The following STXBP5L variants were observed in gnomAD, a reference collection of about 807,000 sequenced individuals.
STXBP5L encodes syntaxin-binding protein 5-like.
A neutral mutation model predicts 144.5 loss-of-function variants in STXBP5L; 65 were observed. The observed-to-expected ratio is 0.45, with a 90% confidence interval of 0.37 to 0.55. The LOEUF is 0.55. Ranked by LOEUF, STXBP5L falls within the 20% of genes least tolerant of loss-of-function variation. The probability of loss-of-function intolerance (pLI) is 0.00; values close to 1 mark genes in which losing one functional copy is unlikely to be tolerated. For synonymous variants in STXBP5L, 505 were observed against 469.6 expected (o/e 1.08, Z -0.97); for missense variants, 1,298 against 1,405.5 (o/e 0.92, Z 1.22).
intron 19 of STXBP5L, among the ~76,000 whole-genome samples, chr3:121,312,547 G>C (rs2043577221): frequency 7.1e-6 from 1 of 140,890 alleles, no homozygotes; most frequent in South Asian, 2.3e-4. Flanking sequence ...GTGGAGGGAA[G>C]GTCAGCAGAT....
At chr3:121,142,722 C>T (rs1347777472) in intron 7 of STXBP5L, among the ~76,000 whole-genome samples, 1 of 151,690 alleles carries the variant, frequency 6.6e-6, no homozygotes, top group Non-Finnish European at 1.5e-5. Context: ...ACACACTCTA[C>T]CAAAAATTAT....
rs773204715 is a variant in STXBP5L, at chr3:120,909,710, G to A, written c.132G>A (p.Gly44=). ...SGSVHPAGTA[G]VLREEIQETL... is the part of the protein sequence containing the mutation. Reference sequence around the variant, plus strand: ...CCGTACATCCGGCGGGGACTGCAGGGGTTCTCAGAGAGGAAATTCAGGAAA... The same window carrying A: ...CCGTACATCCGGCGGGGACTGCAGGAGTTCTCAGAGAGGAAATTCAGGAAA... The change falls in exon 2 of 27, where the codon GGG becomes GGA. Residue 44 remains glycine (G), a synonymous_variant. Transcript: ENST00000471454. 6.2e-7 allele frequency: 1 copy of A among 1,611,242 alleles called. No individual in the cohort carries two copies. The highest frequency in any genetic ancestry group is 1.3e-5 in the African/African-American group (1 of 74,608).
Position 121,159,627 on chromosome 3 carries a change from C to CTTTTT in STXBP5L, c.877+2016_877+2020dup, listed in dbSNP as rs1161847567. Among the ~76,000 whole-genome samples the CTTTTT allele has an allele frequency of 1.9e-4, 23 of 121,938 alleles. 1 individual carries two copies. Among genetic ancestry groups the CTTTTT allele is most frequent in the East Asian group, 7.1e-4 (3 of 4,226 alleles). The allele number at this position is 121,938 out of a possible 152,430, so 80.0% of individuals were successfully genotyped here. On this transcript the variant is annotated intron_variant, in intron 9 of 26. Coordinates refer to ENST00000471454, the MANE Select transcript of STXBP5L (RefSeq NM_001308330.2). ...TGTGCTTGGGAAGAATGTACATTTT[C>CTTTTT]TTTTTTTTTTTTTTTTTTTTGAGAC...
intron 20 of STXBP5L, among the ~76,000 whole-genome samples, chr3:121,336,181 T>A (rs2044498598): frequency 6.6e-6 from 1 of 152,132 alleles, no homozygotes; most frequent in Non-Finnish European, 1.5e-5. Context: ...TATCAGTGGT[T>A]ATTAGAGAAA....
intron 7 of STXBP5L, among the ~76,000 whole-genome samples, chr3:121,138,864 A>G (rs1484733564): frequency 2.0e-5 from 3 of 151,982 alleles, no homozygotes; most frequent in Admixed American, 1.3e-4. Context: ...TTGAATAAGA[A>G]CTCAAGAGCA....
intron 9 of STXBP5L, among the ~76,000 whole-genome samples, chr3:121,174,768 G>A (rs1016165794): frequency 6.6e-6 from 1 of 152,112 alleles, no homozygotes; most frequent in African/African-American, 2.4e-5. Flanking sequence ...GGGAAAATCA[G>A]AGTCAATCCA....
At chr3:121,084,369 C>T (rs1362283151) in intron 5 of STXBP5L, among the ~76,000 whole-genome samples, 1 of 152,130 alleles carries the variant, frequency 6.6e-6, no homozygotes, top group African/African-American at 2.4e-5. Flanking sequence ...CCCCGCCTAC[C>T]CTCAACAGGC....
intron 10 of STXBP5L, among the ~76,000 whole-genome samples, chr3:121,222,456 A>G (rs980526391): frequency 2.8e-4 from 42 of 152,138 alleles, no homozygotes; most frequent in African/African-American, 9.7e-4. Flanking sequence ...TCTCTTACAT[A>G]TTAGCTTTCT....
At chr3:121,036,195 C>T (rs572563850) in intron 3 of STXBP5L, among the ~76,000 whole-genome samples, 73 of 151,960 alleles carry the variant, frequency 4.8e-4, no homozygotes, top group African/African-American at 1.7e-3. Flanking sequence ...TAGCTGGGCA[C>T]GGTTGTGGGC....
At chr3:121,415,666 G>T (rs1441087209) in intron 24 of STXBP5L, among the ~76,000 whole-genome samples, 191 bp from the exon 25 acceptor site, 1 of 152,164 alleles carries the variant, frequency 6.6e-6, no homozygotes, top group East Asian at 1.9e-4. Flanking sequence ...TAGAATGTTT[G>T]TTACTATAGA....
chr3:121,206,312 A>T (rs748640291), intron 10 of STXBP5L, among the ~76,000 whole-genome samples: 3 of 152,148 alleles, frequency 2.0e-5, no homozygotes, highest in East Asian at 1.9e-4. Context: ...AGCAGAAGCA[A>T]TGTGCCCGTT....
intron 2 of STXBP5L, among the ~76,000 whole-genome samples, chr3:120,915,740 A>G (rs1037123504): frequency 7.2e-5 from 11 of 152,218 alleles, no homozygotes; most frequent in African/African-American, 2.4e-4. Flanking sequence ...GTAATACTAA[A>G]CTGTCTTTAT....
chr3:121,046,134 G>T (rs1029218336), intron 5 of STXBP5L, among the ~76,000 whole-genome samples: 3 of 152,088 alleles, frequency 2.0e-5, no homozygotes, highest in Non-Finnish European at 4.4e-5. Context: ...TGTGGTTTTT[G>T]TTTTCAGTTC....
At chr3:121,407,964 GAAGTT>G (rs1463322718) in intron 23 of STXBP5L, among the ~76,000 whole-genome samples, 1 of 151,970 alleles carries the variant, frequency 6.6e-6, no homozygotes, top group East Asian at 1.9e-4. Context: ...AAATAGAAAA[GAAGTT>G]AACTTTTACT....
chr3:121,063,170 G>A (rs530733878), intron 5 of STXBP5L, among the ~76,000 whole-genome samples: 20 of 152,148 alleles, frequency 1.3e-4, no homozygotes, highest in Non-Finnish European at 2.6e-4. Flanking sequence ...CTTTGATGTT[G>A]GTAACCTTCG....
intron 20 of STXBP5L, among the ~76,000 whole-genome samples, chr3:121,340,122 C>G (rs1576216990): frequency 6.6e-6 from 1 of 152,060 alleles, no homozygotes; most frequent in East Asian, 1.9e-4. Context: ...ATGAATAAAG[C>G]TGGAGGCATC....
chr3:120,913,027 A>G (rs1044990774), intron 2 of STXBP5L, among the ~76,000 whole-genome samples: 1 of 151,950 alleles, frequency 6.6e-6, no homozygotes, highest in Non-Finnish European at 1.5e-5. Flanking sequence ...CCTCTATGAG[A>G]CTAGCTCTGA....
intron 2 of STXBP5L, among the ~76,000 whole-genome samples, chr3:120,932,476 G>A (rs574803549): frequency 5.7e-4 from 87 of 152,136 alleles, no homozygotes; most frequent in Middle Eastern, 3.4e-3. Flanking sequence ...CCAGCAAATC[G>A]CTTTAGTATT....
intron 9 of STXBP5L, among the ~76,000 whole-genome samples, chr3:121,180,893 G>A (rs138837680): frequency 6.8e-6 from 1 of 147,204 alleles, no homozygotes; most frequent in African/African-American, 2.5e-5. Context: ...AAGAAGAGAA[G>A]ACAAGAGAAG....
Sources: allele counts gnomAD v4.1 joint callset (sites outside exome capture counted in the v4.1 genomes callset), GRCh38; gene constraint gnomAD v4.1.1; transcripts MANE v1.5; gene names NCBI Gene and HGNC (gene_info 2026-07-23, HGNC 2026-07-21).